The following METAP1D variants were observed in gnomAD, a reference collection of about 807,000 sequenced individuals.
METAP1D encodes the protein methionine aminopeptidase 1D, mitochondrial.
In METAP1D, 31 loss-of-function variants were observed where a neutral mutation model predicts 40.5. That is an observed-to-expected ratio of 0.77 (90% CI 0.58 to 1.03). The LOEUF is 1.03. Among genes scored for constraint, METAP1D ranks in the 50% least tolerant of loss-of-function variants. METAP1D has a pLI of 0.00. For missense variants in METAP1D, 411 were observed against 420.7 expected (o/e 0.98, Z 0.20); for synonymous variants, 151 against 146.4 (o/e 1.03, Z -0.22).
At chr2:172,058,670 T>C (rs1293733629) in intron 1 of METAP1D, among the ~76,000 whole-genome samples, 1 of 152,206 alleles carries the variant, frequency 6.6e-6, no homozygotes, top group Non-Finnish European at 1.5e-5. Context: ...TATGTGCCAC[T>C]GTACCTGAGT....
At chr2:172,047,177 G>A (rs1218305719) in intron 1 of METAP1D, among the ~76,000 whole-genome samples, 14 of 152,194 alleles carry the variant, frequency 9.2e-5, no homozygotes, top group Admixed American at 9.2e-4. Context: ...AGTGATGTAT[G>A]TTGGTAGTGC....
intron 1 of METAP1D, among the ~76,000 whole-genome samples, chr2:172,028,073 G>A (rs1179961979): frequency 3.3e-5 from 5 of 152,148 alleles, no homozygotes; most frequent in Non-Finnish European, 7.3e-5. Context: ...AACAATAGAC[G>A]CAATTAGACA....
chr2:172,067,430 A>T (rs1244659487), intron 5 of METAP1D, among the ~76,000 whole-genome samples: 1 of 152,186 alleles, frequency 6.6e-6, no homozygotes, highest in Admixed American at 6.5e-5. Context: ...TTCATTGCTG[A>T]TGCTATTTCC....
At chr2:172,013,823 CTT>C (rs35639666) in intron 1 of METAP1D, among the ~76,000 whole-genome samples, 74,210 of 127,412 alleles carry the variant, frequency 0.58, 19,665 homozygotes, top group South Asian at 0.68. Context: ...CTTTTTTTTT[CTT>C]TTTTTTTTTT....
chr2:172,076,736 C>T (rs1165407038), intron 6 of METAP1D, among the ~76,000 whole-genome samples: 1 of 152,212 alleles, frequency 6.6e-6, no homozygotes, highest in Non-Finnish European at 1.5e-5. Context: ...CCTGTGGGTT[C>T]ATGTTAAACT....
chr2:172,013,676 G>T (rs1688782695), intron 1 of METAP1D, among the ~76,000 whole-genome samples: 1 of 152,128 alleles, frequency 6.6e-6, no homozygotes, highest in Admixed American at 6.6e-5. Flanking sequence ...TGTGAAAGAG[G>T]CCACATGTGA....
chr2:172,041,726 T>TTATATATATATATATATATATATA (rs67708838), intron 1 of METAP1D, among the ~76,000 whole-genome samples: 4 of 37,570 alleles, frequency 1.1e-4, no homozygotes, highest in African/African-American at 2.4e-4. Context: ...TCTAATTATT[T>TTATATATATATATATATATATATA]TATATATATA....
In METAP1D at chr2:172,042,837, ATACGTGTG is replaced by A. The variant is rs1689624397; in HGVS notation, c.41-18659_41-18652del. Reference sequence around the variant, plus strand: ...TACGTGTGTGTGTATATGTACACATATACGTGTGTGTGTATATATGTACATATATGTGT... The same window carrying A: ...TACGTGTGTGTGTATATGTACACATATGTGTATATATGTACATATATGTGT... On this transcript the variant is annotated intron_variant, in intron 1 of 9. Coordinates refer to ENST00000315796, the MANE Select transcript of METAP1D (RefSeq NM_199227.3). Among the ~76,000 whole-genome samples, 4 of 48,660 alleles carry A rather than the reference ATACGTGTG, an allele frequency of 8.2e-5. 2 individuals are homozygous for A. Among genetic ancestry groups the A allele is most frequent in the South Asian group, 1.1e-3 (2 of 1,754 alleles). The allele number at this position is 48,660 out of a possible 152,430, so 31.9% of individuals were successfully genotyped here. A position where few individuals can be genotyped will look rare whatever the true frequency, so the allele number is the denominator to read the frequency against.
chr2:172,074,176 G>GTGAATGTGTAGAT lies in METAP1D; in HGVS notation c.704+3108_704+3120dup, dbSNP rs550945782. Reference sequence around the variant, plus strand: ...TACAATCTGTACATATGAGTATATTGTGAATGTGTAGATTCATGCATCATG... The same window carrying GTGAATGTGTAGAT: ...TACAATCTGTACATATGAGTATATTGTGAATGTGTAGATTGAATGTGTAGATTCATGCATCATG... On this transcript the variant is annotated intron_variant, in intron 6 of 9. Coordinates refer to ENST00000315796, the MANE Select transcript of METAP1D (RefSeq NM_199227.3). Among the ~76,000 whole-genome samples the GTGAATGTGTAGAT allele has an allele frequency of 2.2e-3, 331 of 152,154 alleles. 1 individual carries two copies. The highest frequency in any genetic ancestry group is 7.6e-3 in the African/African-American group (316 of 41,520).
intron 1 of METAP1D, among the ~76,000 whole-genome samples, chr2:172,002,160 A>G (rs1558988997): frequency 6.6e-6 from 1 of 151,534 alleles, no homozygotes; most frequent in African/African-American, 2.4e-5. Flanking sequence ...TGTATGCTTC[A>G]GGTAATGGTG....
chr2:172,059,352 A>C (rs909724296), intron 1 of METAP1D, among the ~76,000 whole-genome samples: 1 of 151,940 alleles, frequency 6.6e-6, no homozygotes, highest in African/African-American at 2.4e-5. Flanking sequence ...TCTTTTTTCT[A>C]TGTGACATTA....
At chr2:172,034,828 G>A (rs1181971780) in intron 1 of METAP1D, among the ~76,000 whole-genome samples, 2 of 152,050 alleles carry the variant, frequency 1.3e-5, no homozygotes. Flanking sequence ...GTAGACAACT[G>A]TGCTATTAAT....
chr2:172,013,984 C>A (rs1020196296), intron 1 of METAP1D, among the ~76,000 whole-genome samples: 1 of 151,462 alleles, frequency 6.6e-6, no homozygotes, highest in African/African-American at 2.4e-5. Flanking sequence ...CCATGCCCAG[C>A]TAATTTTTTG....
At chr2:172,044,404 C>CAAAAAAAAAA (rs782088377) in intron 1 of METAP1D, among the ~76,000 whole-genome samples, 2 of 69,182 alleles carry the variant, frequency 2.9e-5, no homozygotes, top group East Asian at 3.2e-4. Flanking sequence ...CTTAAAAATA[C>CAAAAAAAAAA]AAAAAAAAAA....
Position 172,080,111 on chromosome 2 carries a change from T to C in METAP1D, c.851-17T>C, listed in dbSNP as rs753545768. 6 of 1,606,868 alleles carry C rather than the reference T, an allele frequency of 3.7e-6. No individual in the cohort carries two copies. The highest frequency in any genetic ancestry group is 5.1e-6 in the Non-Finnish European group (6 of 1,174,346). On this transcript the variant is annotated splice_polypyrimidine_tract_variant and intron_variant, in intron 8 of 9. Transcript: ENST00000315796. Reference sequence around the variant, plus strand: ...AATCTGATGAGGTCACTGCAGTAAATATTTTTCCTCTTACAGAGCCAATCA... The same window carrying C: ...AATCTGATGAGGTCACTGCAGTAAACATTTTTCCTCTTACAGAGCCAATCA...
chr2:172,066,196 G>A, intron 4 of METAP1D, 68 bp from the exon 5 acceptor site: 1 of 1,296,820 alleles, frequency 7.7e-7, no homozygotes, highest in Non-Finnish European at 1.1e-6. Context: ...TAGTCATTAA[G>A]TATTTATTTT....
chr2:172,005,288 A>G (rs1423450067), intron 1 of METAP1D, among the ~76,000 whole-genome samples: 1 of 151,702 alleles, frequency 6.6e-6, no homozygotes, highest in African/African-American at 2.4e-5. Flanking sequence ...TGTACCCAGT[A>G]TGTTTTCTTT....
At chr2:172,070,320 T>C (rs909871315) in intron 5 of METAP1D, among the ~76,000 whole-genome samples, 34 of 152,318 alleles carry the variant, frequency 2.2e-4, no homozygotes, top group African/African-American at 7.7e-4. Flanking sequence ...AAGATTTCAC[T>C]TCTAGACATA....
At chr2:172,001,431 G>C (rs573316038) in intron 1 of METAP1D, among the ~76,000 whole-genome samples, 1 of 152,062 alleles carries the variant, frequency 6.6e-6, no homozygotes, top group Non-Finnish European at 1.5e-5. Context: ...CCAGCTACTC[G>C]GGAGACTGAG....
Sources: gnomAD v4.1 joint callset for allele counts (sites outside exome capture counted in the v4.1 genomes callset) on GRCh38, gnomAD v4.1.1 for gene constraint, MANE v1.5 for transcripts, NCBI Gene and HGNC (gene_info 2026-07-23, HGNC 2026-07-21) for gene names.